The following ADAM21 variants were observed in gnomAD, a reference collection of about 807,000 sequenced individuals.
The protein encoded by ADAM21 is disintegrin and metalloproteinase domain-containing protein 21.
For synonymous variants in ADAM21, 262 were observed against 306.0 expected (o/e 0.86, Z 1.50); for missense variants, 678 against 874.4 (o/e 0.78, Z 2.83).
In ADAM21 at chr14:70,458,417, A is replaced by G; in HGVS notation, c.918A>G (p.Ile306Met). 2 of 1,614,206 alleles carry G rather than the reference A, an allele frequency of 1.2e-6. No individual in the cohort carries two copies. The highest frequency in any genetic ancestry group is 8.5e-7 in the Non-Finnish European group (1 of 1,180,034). The change falls in exon 2 of 2, where the codon ATA becomes ATG. Residue 306 changes from isoleucine to methionine, a missense_variant. Physicochemically the swap from Ile to Met is conservative, Grantham distance 10 (BLOSUM62 1). Coordinates refer to ENST00000603540, the MANE Select transcript of ADAM21 (RefSeq NM_003813.4). The part of the protein sequence containing the change: ...HMFIKNSLIS[I>M]LGLAYVAGIC... ...TCATAAAAAATTCACTTATAAGTATACTTGGCCTAGCCTATGTTGCAGGAA... is the reference window on the plus strand; with the variant it reads ...TCATAAAAAATTCACTTATAAGTATGCTTGGCCTAGCCTATGTTGCAGGAA...
intron 1 of ADAM21, among the ~76,000 whole-genome samples, chr14:70,452,835 G>C (rs1486434426): frequency 6.6e-6 from 1 of 152,118 alleles, no homozygotes; most frequent in Admixed American, 6.5e-5. Context: ...TTGCCAGTAA[G>C]GAATAGATAA....
Position 70,458,476 on chromosome 14 carries a change from A to G in ADAM21, c.977A>G (p.Asn326Ser). 6.2e-7 allele frequency: 1 copy of G among 1,613,906 alleles called. No individual in the cohort carries two copies. The highest frequency in any genetic ancestry group is 1.7e-5 in the Admixed American group (1 of 59,982). The change falls in exon 2 of 2, where the codon AAT becomes AGT. Residue 326 changes from asparagine to serine, a missense_variant. By Grantham distance (46) the Asn-to-Ser change is conservative. Transcript: ENST00000603540. The part of the protein sequence containing the change: ...CRPPIDCGVD[N>S]FQGDTWSLFA... ...CCACCTATTGATTGTGGAGTTGATAATTTTCAAGGAGATACCTGGTCTCTT... is the reference window on the plus strand; with the variant it reads ...CCACCTATTGATTGTGGAGTTGATAGTTTTCAAGGAGATACCTGGTCTCTT...
chr14:70,458,967 G>A lies in ADAM21; in HGVS notation c.1468G>A (p.Val490Met), dbSNP rs765452413. 2.5e-6 allele frequency: 4 copies of A among 1,614,010 alleles called. No individual in the cohort carries two copies. The highest frequency in any genetic ancestry group is 1.7e-5 in the Admixed American group (1 of 60,000). ...TCATCAGTGTCCAGAAGATAGATAT[G>A]TGCAGGACGGGATCCCCTGTAGTGA... ...TSHQCPEDRY[V>M]QDGIPCSDSA... is the part of the protein sequence containing the mutation. The change falls in exon 2 of 2, where the codon GTG (valine) becomes ATG (methionine). Residue 490 changes from valine to methionine, a missense_variant. Physicochemically the swap from Val to Met is conservative, Grantham distance 21. Transcript: ENST00000603540.
rs1292614348 is a variant in ADAM21 at position 70,458,222 on chromosome 14, A to T, written c.723A>T (p.Ile241=). 8.7e-6 allele frequency: 14 copies of T among 1,613,792 alleles called. No homozygotes were observed. Among genetic ancestry groups the T allele is most frequent in the East Asian group, 2.2e-5 (1 of 44,854 alleles). ...VQEDVFLVVN[I]VDSMYKQLGT... is the part of the protein sequence containing the mutation. Reference sequence around the variant, plus strand: ...AGGATGTATTTCTTGTTGTCAACATAGTGGATTCCATGTATAAGCAGTTAG... The same window carrying T: ...AGGATGTATTTCTTGTTGTCAACATTGTGGATTCCATGTATAAGCAGTTAG... Residue 241 remains isoleucine (I), a synonymous_variant, in exon 2 of 2, where the codon ATA becomes ATT. Coordinates refer to ENST00000603540, the MANE Select transcript of ADAM21 (RefSeq NM_003813.4).
chr14:70,459,213 C>T lies in ADAM21; in HGVS notation c.1714C>T (p.Pro572Ser), dbSNP rs145198723. ...RVQCENVRDI[P>S]LLQDHFTLQH... is the part of the protein sequence containing the mutation. ...TCAATGTGAGAATGTGAGAGACATT[C>T]CTCTTCTCCAAGATCATTTTACTTT... is the stretch of plus-strand genomic sequence containing the variant. The change falls in exon 2 of 2, where the codon CCT becomes TCT. Residue 572 changes from proline to serine, a missense_variant. Physicochemically the swap from Pro to Ser is moderately conservative, Grantham distance 74. Transcript: ENST00000603540. 3,009 of 1,614,024 alleles carry T rather than the reference C, an allele frequency of 1.9e-3. 6 individuals carry two copies. The highest frequency in any genetic ancestry group is 2.2e-3 in the Non-Finnish European group (2,652 of 1,180,014).
chr14:70,452,817 C>T (rs781025633), intron 1 of ADAM21, among the ~76,000 whole-genome samples: 2 of 152,108 alleles, frequency 1.3e-5, no homozygotes, highest in Non-Finnish European at 2.9e-5. Flanking sequence ...ATGAGGTAGT[C>T]ACCTCAATTG....
Position 70,458,954 on chromosome 14 carries a change from A to G in ADAM21, c.1455A>G (p.Pro485=), listed in dbSNP as rs1882473305. The change falls in exon 2 of 2, where the codon CCA becomes CCG. Residue 485 remains proline (P), a synonymous_variant. Coordinates refer to ENST00000603540, the MANE Select transcript of ADAM21 (RefSeq NM_003813.4). ...EWCNGTSHQC[P]EDRYVQDGIP... ...GCAATGGAACATCTCATCAGTGTCCAGAAGATAGATATGTGCAGGACGGGA... is the reference window on the plus strand; with the variant it reads ...GCAATGGAACATCTCATCAGTGTCCGGAAGATAGATATGTGCAGGACGGGA... The G allele has an allele frequency of 3.7e-6, 6 of 1,614,206 alleles. No individual in the cohort carries two copies. Among genetic ancestry groups the G allele is most frequent in the Non-Finnish European group, 5.1e-6 (6 of 1,180,036 alleles).
rs531977427 is a variant in ADAM21 at position 70,453,770 on chromosome 14, T to C, written c.-152+1507T>C. 2.6e-5 allele frequency among the ~76,000 whole-genome samples: 4 copies of C among 152,318 alleles called. No individual in the cohort carries two copies. In the East Asian group the frequency reaches 7.7e-4, roughly 29 times the overall value. On this transcript the variant is annotated intron_variant, in intron 1 of 1. Coordinates refer to ENST00000603540, the MANE Select transcript of ADAM21 (RefSeq NM_003813.4). The stretch of plus-strand genomic sequence containing the variant: ...AGCAAATCTGGCAGTTAGAATTTCA[T>C]CCCAATTCAGAGATCTTTGTTCTTG...
rs58247196 is a variant in ADAM21 at position 70,457,733 on chromosome 14, C to T, written c.234C>T (p.Val78=). Residue 78 remains valine (V), a synonymous_variant, in exon 2 of 2, where the codon GTC becomes GTT. Transcript: ENST00000603540. ...GGQKHVVHMR[V]KKLLVSRHLP... ...AGAAACACGTTGTTCATATGAGGGT[C>T]AAGAAGCTCTTAGTTTCTAGACACC... 102,328 of 1,205,272 alleles carry T rather than the reference C, an allele frequency of 0.085. 2,278 individuals carry two copies. The highest frequency in any genetic ancestry group is 0.14 in the East Asian group (5,580 of 41,298). 74.7% of individuals were successfully genotyped at this position (1,205,272 alleles called of 1,614,324 possible).
chr14:70,455,364 G>A (rs180968316), intron 1 of ADAM21, among the ~76,000 whole-genome samples: 260 of 152,224 alleles, frequency 1.7e-3, no homozygotes, highest in African/African-American at 5.7e-3. Flanking sequence ...TCATCAATAT[G>A]TTGATCACAG....
Position 70,458,542 on chromosome 14 carries a change from G to A in ADAM21, c.1043G>A (p.Gly348Asp), listed in dbSNP as rs1882463647. 1 of 1,609,996 alleles carries A rather than the reference G, an allele frequency of 6.2e-7. No individual in the cohort carries two copies. The change falls in exon 2 of 2, where the codon GGT (glycine) becomes GAT (aspartate). Residue 348 changes from glycine to aspartate, a missense_variant. Coordinates refer to ENST00000603540, the MANE Select transcript of ADAM21 (RefSeq NM_003813.4). ...TVAHELGHTLGMQHDEEFCFC... is the reference protein window; with the variant it reads ...TVAHELGHTLDMQHDEEFCFC... ...GCCCATGAGTTAGGTCATACGTTAG[G>A]TATGCAGCATGATGAAGAATTCTGT...
At chr14:70,452,679 A>G (rs1429993197) in intron 1 of ADAM21, among the ~76,000 whole-genome samples, 1 of 152,170 alleles carries the variant, frequency 6.6e-6, no homozygotes, top group African/African-American at 2.4e-5. Flanking sequence ...TTTCATTTTT[A>G]AAGATATGAG....
rs775480030 is a variant in ADAM21, at chr14:70,458,132, G to A, written c.633G>A (p.Glu211=). The A allele has an allele frequency of 3.1e-6, 5 of 1,613,950 alleles. No individual in the cohort carries two copies. In the Admixed American group the frequency reaches 6.7e-5, roughly 22 times the overall value. Residue 211 remains glutamate (E), a synonymous_variant, in exon 2 of 2, where the codon GAG becomes GAA. Transcript: ENST00000603540. ...GDWWTHAWFL[E]LVVVVNHDFF... ...GGTGGACTCATGCATGGTTTCTGGA[G>A]CTAGTTGTTGTGGTGAACCATGATT...
intron 1 of ADAM21, chr14:70,453,491 G>A (rs1323811780): frequency 3.3e-5 from 5 of 152,186 alleles, no homozygotes; most frequent in Admixed American, 1.3e-4. Context: ...TACTTCAGGA[G>A]CTTTGGTCTC....
Position 70,458,506 on chromosome 14 carries a change from C to A in ADAM21, c.1007C>A (p.Ala336Asp). ...NFQGDTWSLF[A>D]NTVAHELGHT... is the part of the protein sequence containing the mutation. ...CAAGGAGATACCTGGTCTCTTTTTG[C>A]CAACACTGTGGCCCATGAGTTAGGT... Residue 336 changes from alanine (A) to aspartate (D), a missense_variant, in exon 2 of 2, where the codon GCC becomes GAC. Coordinates refer to ENST00000603540, the MANE Select transcript of ADAM21 (RefSeq NM_003813.4). 27 of 1,613,290 alleles carry A rather than the reference C, an allele frequency of 1.7e-5. No individual in the cohort carries two copies. Among genetic ancestry groups the A allele is most frequent in the Non-Finnish European group, 2.3e-5 (27 of 1,179,770 alleles).
intron 1 of ADAM21, among the ~76,000 whole-genome samples, chr14:70,456,355 A>T (rs1436751337): frequency 6.6e-6 from 1 of 152,204 alleles, no homozygotes; most frequent in Non-Finnish European, 1.5e-5. Context: ...AAAGAAATGG[A>T]TAAGTGTTGC....
In ADAM21 at chr14:70,458,657, C is replaced by T. The variant is rs767813728; in HGVS notation, c.1158C>T (p.Thr386=). The T allele has an allele frequency of 1.9e-6, 3 of 1,613,790 alleles. No homozygotes were observed. The highest frequency in any genetic ancestry group is 1.6e-4 in the Middle Eastern group (1 of 6,062). ...TNCSYADFMK[T]TLNQGSCLHN... is the part of the protein sequence containing the mutation. ...GCAGTTACGCTGATTTTATGAAGAC[C>T]ACCTTAAACCAGGGATCATGTCTGC... Residue 386 remains threonine (T), a synonymous_variant, in exon 2 of 2, where the codon ACC becomes ACT. Transcript: ENST00000603540.
Position 70,459,864 on chromosome 14 carries a change from T to C in ADAM21, c.*196T>C, listed in dbSNP as rs1176462282. ...TAACATGTTTCTATCTATTGTTTAT[T>C]GTTTTAAGCAGCAAATAAAGCTACA... On this transcript the variant is annotated 3_prime_UTR_variant, in exon 2 of 2. Coordinates refer to ENST00000603540, the MANE Select transcript of ADAM21 (RefSeq NM_003813.4). 1.5e-5 allele frequency: 10 copies of C among 674,946 alleles called. No homozygotes were observed. Among genetic ancestry groups the C allele is most frequent in the Admixed American group, 3.0e-5 (1 of 32,846 alleles). The allele number at this position is 674,946 out of a possible 1,614,324, so 41.8% of individuals were successfully genotyped here.
rs1189478916 is a variant in ADAM21 at position 70,459,439 on chromosome 14, A to G, written c.1940A>G (p.Asn647Ser). ...ETCNMKGICNNKHHCHCGYGW... is the reference protein window; with the variant it reads ...ETCNMKGICNSKHHCHCGYGW... ...TGCAATATGAAGGGGATCTGCAATAACAAACATCACTGCCACTGTGGCTAT... is the reference window on the plus strand; with the variant it reads ...TGCAATATGAAGGGGATCTGCAATAGCAAACATCACTGCCACTGTGGCTAT... Residue 647 changes from asparagine (N) to serine (S), a missense_variant, in exon 2 of 2, where the codon AAC becomes AGC. Transcript: ENST00000603540. 4 of 1,614,104 alleles carry G rather than the reference A, an allele frequency of 2.5e-6. No homozygotes were observed. In the African/African-American group the frequency reaches 5.3e-5, roughly 22 times the overall value.
Sources: allele counts gnomAD v4.1 joint callset (sites outside exome capture counted in the v4.1 genomes callset), GRCh38; gene constraint gnomAD v4.1.1; transcripts MANE v1.5; gene names NCBI Gene and HGNC (gene_info 2026-07-23, HGNC 2026-07-21).